Variants in EEF1AKMT3 observed in about 807,000 individuals in gnomAD.
EEF1AKMT3 encodes EEF1A lysine methyltransferase 3.
In EEF1AKMT3, 17 loss-of-function variants were observed where a neutral mutation model predicts 17.8. The ratio of observed to expected loss-of-function variants is 0.96; its 90% CI spans 0.65 to 1.43. EEF1AKMT3 has a LOEUF of 1.43. EEF1AKMT3 is among the 40% of genes most tolerant of loss of function. EEF1AKMT3 has a pLI of 0.00. For synonymous variants in EEF1AKMT3, 116 were observed against 126.5 expected (o/e 0.92, Z 0.56); for missense variants, 244 against 285.8 (o/e 0.85, Z 1.06).
chr12:57,778,307 T>TGTTTTTTTTTTTTTTTTTC (rs1555203790), intron 2 of EEF1AKMT3, among the ~76,000 whole-genome samples: 1 of 105,314 alleles, frequency 9.5e-6, no homozygotes, highest in Non-Finnish European at 2.0e-5. Context: ...TTTTTTTTTT[T>TGTTTTTTTTTTTTTTTTTC]TGAGACAGGT....
Position 57,780,565 on chromosome 12 carries a change from C to T in EEF1AKMT3, c.600C>T (p.Phe200=), listed in dbSNP as rs1196593645. The T allele has an allele frequency of 1.9e-6, 3 of 1,613,850 alleles. No individual in the cohort carries two copies. In the Admixed American group the frequency reaches 5.0e-5, roughly 27 times the overall value. ...SFFQHLLPQH[F]QLELAQRDED... The stretch of plus-strand genomic sequence containing the variant: ...TTCAGCACCTCCTGCCCCAGCATTT[C>T]CAACTGGAGCTGGCTCAGCGGGATG... Residue 200 remains phenylalanine (F), a synonymous_variant, in exon 3 of 3, where the codon TTC becomes TTT. Transcript: ENST00000300209.
intron 2 of EEF1AKMT3, among the ~76,000 whole-genome samples, chr12:57,775,006 G>C (rs1955471215): frequency 6.7e-6 from 1 of 148,470 alleles, no homozygotes; most frequent in South Asian, 2.2e-4. Context: ...TTGGGGGGCT[G>C]AGAAAGGAGA....
rs536788916 is a variant in EEF1AKMT3 at position 57,778,307 on chromosome 12, T to TTTTTTTTTTTTTTC, written c.290-1947_290-1946insTTTTTTTTTTTTCT. ...ACCATCCTGAGCTTTTTTTTTTTTTTTGAGACAGGTTCTCACTCTGTTGCC... is the reference window on the plus strand; with the variant it reads ...ACCATCCTGAGCTTTTTTTTTTTTTTTTTTTTTTTTTTTCTGAGACAGGTTCTCACTCTGTTGCC... On this transcript the variant is annotated intron_variant, in intron 2 of 2. Transcript: ENST00000300209. Among the ~76,000 whole-genome samples, 14 of 105,382 alleles carry TTTTTTTTTTTTTTC rather than the reference T, an allele frequency of 1.3e-4. 5 individuals are homozygous for TTTTTTTTTTTTTTC. Among genetic ancestry groups the TTTTTTTTTTTTTTC allele is most frequent in the East Asian group, 8.4e-4 (2 of 2,380 alleles). The allele number at this position is 105,382 out of a possible 152,430, so 69.1% of individuals were successfully genotyped here. A position where few individuals can be genotyped will look rare whatever the true frequency, so the allele number is the denominator to read the frequency against.
chr12:57,778,856 G>A (rs538110769), intron 2 of EEF1AKMT3, among the ~76,000 whole-genome samples: 10 of 152,086 alleles, frequency 6.6e-5, no homozygotes, highest in East Asian at 3.9e-4. Context: ...GCATGCCAGC[G>A]TGTGCCATTC....
intron 2 of EEF1AKMT3, among the ~76,000 whole-genome samples, chr12:57,776,454 A>G (rs1955480780): frequency 6.6e-6 from 1 of 152,166 alleles, no homozygotes; most frequent in Admixed American, 6.5e-5. Flanking sequence ...AACTGGGCTA[A>G]TTTTAACTTT....
chr12:57,778,292 G>GATTTTTTTTTTTTTT lies in EEF1AKMT3; in HGVS notation c.290-1963_290-1962insATTTTTTTTTTTTTT, dbSNP rs78304489. ...GCCAAACACCCAGAAACCATCCTGA[G>GATTTTTTTTTTTTTT]CTTTTTTTTTTTTTTTGAGACAGGT... On this transcript the variant is annotated intron_variant, in intron 2 of 2. Coordinates refer to ENST00000300209, the MANE Select transcript of EEF1AKMT3 (RefSeq NM_015433.3). 1.3e-3 allele frequency among the ~76,000 whole-genome samples: 3 copies of GATTTTTTTTTTTTTT among 2,304 alleles called. 1 individual carries two copies. Among genetic ancestry groups the GATTTTTTTTTTTTTT allele is most frequent in the African/African-American group, 3.4e-3 (2 of 594 alleles). The allele number at this position is 2,304 out of a possible 152,430, so 1.5% of individuals were successfully genotyped here.
chr12:57,772,797 G>A lies in EEF1AKMT3; in HGVS notation c.73G>A (p.Asp25Asn), dbSNP rs1955450927. Residue 25 changes from aspartate (D) to asparagine (N), a missense_variant, in exon 1 of 3, where the codon GAC (aspartate) becomes AAC (asparagine). Physicochemically the swap from Asp to Asn is conservative, Grantham distance 23 (BLOSUM62 1). Coordinates refer to ENST00000300209, the MANE Select transcript of EEF1AKMT3 (RefSeq NM_015433.3). The surrounding 1 kb of genome is among the most constrained non-coding windows in gnomAD (Gnocchi z 4.1). ...VFPREVGLFA[D>N]SYSEKSQFCF... ...CCCGCGGGAGGTCGGGCTCTTTGCA[G>A]ACTCTTACTCGGAGAAGAGCCAGTT... is the stretch of plus-strand genomic sequence containing the variant. 2.5e-6 allele frequency: 4 copies of A among 1,614,082 alleles called. No individual in the cohort carries two copies. The highest frequency in any genetic ancestry group is 3.3e-5 in the Admixed American group (2 of 60,012).
chr12:57,781,220 C>T lies in EEF1AKMT3; in HGVS notation c.*574C>T, dbSNP rs552646154. The T allele has an allele frequency of 1.4e-4, 21 of 153,078 alleles. No individual in the cohort carries two copies. The highest frequency in any genetic ancestry group is 3.6e-4 in the African/African-American group (15 of 41,504). 9.5% of individuals were successfully genotyped at this position (153,078 alleles called of 1,614,324 possible). ...GACTAGAGGCATGCGCCACCACACC[C>T]GGCTAATTTTTGTATTTTCAGTAGA... On this transcript the variant is annotated 3_prime_UTR_variant, in exon 3 of 3. Transcript: ENST00000300209.
chr12:57,774,796 A>T (rs780388775), intron 2 of EEF1AKMT3: 1 of 1,580,220 alleles, frequency 6.3e-7, no homozygotes, highest in South Asian at 1.1e-5. Context: ...GTGTGAACAC[A>T]GCAGGCTCAG....
rs762318824 is a variant in EEF1AKMT3, at chr12:57,772,747, C to T, written c.23C>T (p.Pro8Leu). 6.2e-6 allele frequency: 10 copies of T among 1,613,750 alleles called. No individual in the cohort carries two copies. Among genetic ancestry groups the T allele is most frequent in the Middle Eastern group, 3.3e-4 (2 of 6,076 alleles). Residue 8 changes from proline (P) to leucine (L), a missense_variant, in exon 1 of 3, where the codon CCC (proline) becomes CTC (leucine). Transcript: ENST00000300209. The surrounding 1 kb of genome is among the most constrained non-coding windows in gnomAD (Gnocchi z 4.1). MADPGPD[P>L]ESESESVFPR... Reference sequence around the variant, plus strand: ...CGGATGGCGGACCCCGGCCCAGATCCCGAATCTGAGTCGGAATCGGTGTTC... The same window carrying T: ...CGGATGGCGGACCCCGGCCCAGATCTCGAATCTGAGTCGGAATCGGTGTTC...
rs1955506004 is a variant in EEF1AKMT3 at position 57,780,473 on chromosome 12, T to C, written c.508T>C (p.Cys170Arg). Reference protein sequence around the residue: ...PLLLGTLQHLCRPHGTIYLAS... With the variant: ...PLLLGTLQHLRRPHGTIYLAS... Reference sequence around the variant, plus strand: ...GCTGCTGGGGACCCTCCAACACCTGTGCAGGCCCCATGGCACCATCTATCT... The same window carrying C: ...GCTGCTGGGGACCCTCCAACACCTGCGCAGGCCCCATGGCACCATCTATCT... The change falls in exon 3 of 3, where the codon TGC (cysteine) becomes CGC (arginine). Residue 170 changes from cysteine to arginine, a missense_variant. Transcript: ENST00000300209. 6.2e-7 allele frequency: 1 copy of C among 1,614,202 alleles called. No individual in the cohort carries two copies. The highest frequency in any genetic ancestry group is 8.5e-7 in the Non-Finnish European group (1 of 1,180,036).
intron 2 of EEF1AKMT3, among the ~76,000 whole-genome samples, chr12:57,779,687 T>C (rs1453741187): frequency 6.6e-6 from 1 of 152,220 alleles, no homozygotes; most frequent in African/African-American, 2.4e-5. Context: ...TAAAGCTTAC[T>C]GCCCTCAGTA....
Position 57,780,647 on chromosome 12 carries a change from C to T in EEF1AKMT3, c.*1C>T. The T allele has an allele frequency of 1.2e-6, 2 of 1,605,418 alleles. No homozygotes were observed. The highest frequency in any genetic ancestry group is 1.7e-6 in the Non-Finnish European group (2 of 1,179,956). ...GCACAGGGAACCAAGACCTGCTTGA[C>T]ATCACCCTTGCTGTTCTTCTCAATC... On this transcript the variant is annotated 3_prime_UTR_variant, in exon 3 of 3. Transcript: ENST00000300209.
intron 2 of EEF1AKMT3, 100 bp downstream of exon 2, chr12:57,773,228 C>CA: frequency 9.4e-7 from 1 of 1,063,436 alleles, no homozygotes; most frequent in Non-Finnish European, 1.4e-6. Context: ...ACTTTGGGCC[C>CA]AGTCTAACCC....
At chr12:57,775,805 A>G (rs2140408083) in intron 2 of EEF1AKMT3, among the ~76,000 whole-genome samples, 1 of 152,252 alleles carries the variant, frequency 6.6e-6, no homozygotes, top group Middle Eastern at 3.4e-3. Flanking sequence ...AGACTTCCCT[A>G]TCTCAGTGAA....
chr12:57,772,645 C>A lies in EEF1AKMT3; in HGVS notation c.-80C>A. On this transcript the variant is annotated 5_prime_UTR_variant, in exon 1 of 3. Transcript: ENST00000300209. The surrounding 1 kb of genome is among the most constrained non-coding windows in gnomAD (Gnocchi z 4.1). ...TCCACAGGGACACCACGACGGCTCG[C>A]GGCCCCCAGCCTCTACCCCGCTCCG... The A allele has an allele frequency of 6.9e-7, 1 of 1,440,638 alleles. No individual in the cohort carries two copies. The highest frequency in any genetic ancestry group is 9.3e-7 in the Non-Finnish European group (1 of 1,080,738). The allele number at this position is 1,440,638 out of a possible 1,614,324, so 89.2% of individuals were successfully genotyped here. A position where few individuals can be genotyped will look rare whatever the true frequency, so the allele number is the denominator to read the frequency against.
At position 57,781,132 on chromosome 12, in the gene EEF1AKMT3, C is replaced by T. The variant is rs1377629025; in HGVS notation, c.*486C>T. 1 of 164,490 alleles carries T rather than the reference C, an allele frequency of 6.1e-6. No individual in the cohort carries two copies. Among genetic ancestry groups the T allele is most frequent in the Admixed American group, 6.3e-5 (1 of 15,852 alleles). 10.2% of individuals were successfully genotyped at this position (164,490 alleles called of 1,614,324 possible). On this transcript the variant is annotated 3_prime_UTR_variant, in exon 3 of 3. Transcript: ENST00000300209. Reference sequence around the variant, plus strand: ...GGAGTGCAGTGGTGTGATCACAGCTCACTGCAGCCTCAACCTCTGAAGGCC... The same window carrying T: ...GGAGTGCAGTGGTGTGATCACAGCTTACTGCAGCCTCAACCTCTGAAGGCC...
At chr12:57,775,798 C>T (rs1467520521) in intron 2 of EEF1AKMT3, among the ~76,000 whole-genome samples, 1 of 152,246 alleles carries the variant, frequency 6.6e-6, no homozygotes, top group Non-Finnish European at 1.5e-5. Flanking sequence ...CTCCCTCAGA[C>T]TTCCCTATCT....
rs150553022 is a variant in EEF1AKMT3 at position 57,773,331 on chromosome 12, G to A, written c.289+203G>A. ...CAGACAGCGCGAATTGCCTGTCAAA[G>A]CACCTAGGGTGGGTGATTGGGGAGG... On this transcript the variant is annotated intron_variant, in intron 2 of 2. Coordinates refer to ENST00000300209, the MANE Select transcript of EEF1AKMT3 (RefSeq NM_015433.3). 2.3e-4 allele frequency among the ~76,000 whole-genome samples: 35 copies of A among 152,252 alleles called. No homozygotes were observed. In the East Asian group the frequency reaches 6.6e-3, roughly 29 times the overall value.
Sources: gnomAD v4.1 joint callset for allele counts (sites outside exome capture counted in the v4.1 genomes callset) on GRCh38, gnomAD v4.1.1 for gene constraint, Gnocchi (gnomAD v3.1) non-coding constraint, MANE v1.5 for transcripts, NCBI Gene and HGNC (gene_info 2026-07-23, HGNC 2026-07-21) for gene names.